The following NNMT variants were observed in gnomAD, a reference collection of about 807,000 sequenced individuals.
The protein encoded by NNMT is nicotinamide N-methyltransferase.
In NNMT, 10 loss-of-function variants were observed where a neutral mutation model predicts 11.7. The ratio of observed to expected loss-of-function variants is 0.85; its 90% CI spans 0.53 to 1.45. The LOEUF (loss-of-function observed/expected upper bound fraction) is 1.45. Ranked by LOEUF, NNMT falls within the 40% of genes most tolerant of loss-of-function variation. The pLI is 0.00. For missense variants in NNMT, 381 were observed against 319.4 expected (o/e 1.19, Z -1.47); for synonymous variants, 143 against 133.8 (o/e 1.07, Z -0.48).
At chr11:114,269,147 G>A (rs546388885) in intron 2 of NNMT, among the ~76,000 whole-genome samples, 2 of 152,182 alleles carry the variant, frequency 1.3e-5, no homozygotes, top group South Asian at 2.1e-4. Flanking sequence ...AATCTAGGCC[G>A]TTTAGCTCCA....
At chr11:114,306,752 C>T (rs1945496137) in intron 2 of NNMT, among the ~76,000 whole-genome samples, 1 of 152,100 alleles carries the variant, frequency 6.6e-6, no homozygotes, top group Non-Finnish European at 1.5e-5. Flanking sequence ...GTTACTGTAG[C>T]CTTGTAGTAC....
chr11:114,294,669 T>C (rs895541946), upstream of NNMT, among the ~76,000 whole-genome samples: 3 of 152,084 alleles, frequency 2.0e-5, no homozygotes, highest in Non-Finnish European at 4.4e-5. Flanking sequence ...TGTGATTATT[T>C]TGTATTGCAG....
At position 114,286,139 on chromosome 11, in the gene NNMT, T is replaced by C. The variant is rs1369210067; in HGVS notation, c.-129-10289T>C. On this transcript the variant is annotated intron_variant, in intron 2 of 4. Transcript: ENST00000535401. ...TTTAGCCCCACTGGGTAAAATTGAG[T>C]GAAAAAGAAACACTAGGTCCTGCCT... Among the ~76,000 whole-genome samples the C allele has an allele frequency of 2.6e-5, 4 of 152,134 alleles. No homozygotes were observed. In the East Asian group the frequency reaches 7.7e-4, roughly 29 times the overall value.
chr11:114,303,956 C>A (rs181295772), intron 2 of NNMT, among the ~76,000 whole-genome samples: 14 of 152,260 alleles, frequency 9.2e-5, no homozygotes, highest in Non-Finnish European at 1.9e-4. Flanking sequence ...AACCTGTATA[C>A]CCCTGACTTA....
chr11:114,304,462 A>C (rs1253802817), intron 2 of NNMT, among the ~76,000 whole-genome samples: 2 of 152,192 alleles, frequency 1.3e-5, no homozygotes, highest in Non-Finnish European at 2.9e-5. Context: ...CTGCATTCTT[A>C]TCCTTATCCT....
At chr11:114,276,208 A>G (rs1945212470) in intron 2 of NNMT, among the ~76,000 whole-genome samples, 1 of 146,626 alleles carries the variant, frequency 6.8e-6, no homozygotes, top group South Asian at 2.2e-4. Context: ...CTTTGAGACC[A>G]GTGTCTACAT....
intron 2 of NNMT, among the ~76,000 whole-genome samples, chr11:114,280,917 A>G (rs1190351093): frequency 6.6e-6 from 1 of 152,076 alleles, no homozygotes; most frequent in Non-Finnish European, 1.5e-5. Context: ...TGACCACTGA[A>G]TGAGGGAACC....
intron 2 of NNMT, among the ~76,000 whole-genome samples, chr11:114,311,129 G>T (rs1945545405): frequency 6.6e-6 from 1 of 152,130 alleles, no homozygotes; most frequent in Non-Finnish European, 1.5e-5. Flanking sequence ...AGAAGTTCGA[G>T]ACCAGCCTGG....
intron 2 of NNMT, among the ~76,000 whole-genome samples, chr11:114,308,763 C>T (rs559484338): frequency 6.6e-6 from 1 of 152,222 alleles, no homozygotes; most frequent in African/African-American, 2.4e-5. Flanking sequence ...CATTTCCCTG[C>T]GTTGCCCCGA....
chr11:114,294,027 C>T (rs544839454), upstream of NNMT, among the ~76,000 whole-genome samples: 1 of 151,922 alleles, frequency 6.6e-6, no homozygotes, highest in Admixed American at 6.6e-5. Context: ...GTGAAATAAA[C>T]CAGGCACAGA....
chr11:114,301,067 A>G (rs1945433676), intron 2 of NNMT, among the ~76,000 whole-genome samples: 1 of 152,192 alleles, frequency 6.6e-6, no homozygotes, highest in African/African-American at 2.4e-5. Flanking sequence ...CACCTATTAG[A>G]TCTAGGCCAG....
intron 2 of NNMT, among the ~76,000 whole-genome samples, chr11:114,307,828 C>T (rs917389497): frequency 1.3e-5 from 2 of 151,846 alleles, no homozygotes; most frequent in African/African-American, 4.8e-5. Flanking sequence ...CGTATTTATC[C>T]TCTATATCTC....
chr11:114,273,858 C>T (rs1945191805), intron 2 of NNMT, among the ~76,000 whole-genome samples: 1 of 151,998 alleles, frequency 6.6e-6, no homozygotes, highest in African/African-American at 2.4e-5. Context: ...AGTTTGAGAC[C>T]ATGTTACAGA....
At chr11:114,278,304 A>G (rs1360404964) in intron 2 of NNMT, among the ~76,000 whole-genome samples, 1 of 152,146 alleles carries the variant, frequency 6.6e-6, no homozygotes, top group Non-Finnish European at 1.5e-5. Flanking sequence ...CTCACTCGTT[A>G]CTGTGAGGAT....
intron 2 of NNMT, among the ~76,000 whole-genome samples, chr11:114,267,548 A>G (rs1395396890): frequency 6.6e-6 from 1 of 152,206 alleles, no homozygotes. Context: ...AATATTTTTA[A>G]TGAATTACAT....
chr11:114,299,792 G>A (rs1473373974), intron 2 of NNMT, among the ~76,000 whole-genome samples: 13 of 112,770 alleles, frequency 1.2e-4, no homozygotes, highest in African/African-American at 3.0e-4. Context: ...AACTTTATTG[G>A]CATTTTTTTT....
chr11:114,312,528 A>T lies in NNMT; in HGVS notation c.*51A>T. ...TCCTTTGACCTGTCCAGTTGACTTT[A>T]GTCCTTGTTTCTAACTGCCAAGTCA... On this transcript the variant is annotated 3_prime_UTR_variant, in exon 3 of 3. Transcript: ENST00000299964. The T allele has an allele frequency of 6.5e-7, 1 of 1,550,286 alleles. No individual in the cohort carries two copies. Among genetic ancestry groups the T allele is most frequent in the Non-Finnish European group, 8.8e-7 (1 of 1,142,370 alleles).
In NNMT at chr11:114,305,505, C is replaced by T. The variant is rs551149209; in HGVS notation, c.363-6540C>T. Among the ~76,000 whole-genome samples the T allele has an allele frequency of 2.1e-5, 3 of 141,132 alleles. 1 individual carries two copies. Among genetic ancestry groups the T allele is most frequent in the Non-Finnish European group, 4.6e-5 (3 of 64,724 alleles). The allele number at this position is 141,132 out of a possible 152,430, so 92.6% of individuals were successfully genotyped here. A position where few individuals can be genotyped will look rare whatever the true frequency, so the allele number is the denominator to read the frequency against. On this transcript the variant is annotated intron_variant, in intron 2 of 2. Transcript: ENST00000299964. The stretch of plus-strand genomic sequence containing the variant: ...TAATGCTATCCATGCCCCCTCCCCC[C>T]ACCCCACGACAGGCCCCGGTGTGTG...
intron 2 of NNMT, among the ~76,000 whole-genome samples, chr11:114,303,565 A>G (rs1945459678): frequency 6.6e-6 from 1 of 152,228 alleles, no homozygotes; most frequent in African/African-American, 2.4e-5. Context: ...TAGATCTTCA[A>G]ATATTTATTT....
Sources: allele counts gnomAD v4.1 joint callset (sites outside exome capture counted in the v4.1 genomes callset), GRCh38; gene constraint gnomAD v4.1.1; transcripts MANE v1.5; gene names NCBI Gene and HGNC (gene_info 2026-07-23, HGNC 2026-07-21).